PCDHA12: variants seen among roughly 807,000 people sequenced by gnomAD.
PCDHA12 encodes protocadherin alpha 12, also known as protocadherin alpha-12.
A neutral mutation model predicts 60.0 loss-of-function variants in PCDHA12; 44 were observed. The observed-to-expected ratio is 0.73, with a 90% CI of 0.58 to 0.94. The LOEUF (loss-of-function observed/expected upper bound fraction) is 0.94, where lower values mean the gene tolerates loss of function less well. Among genes scored for constraint, PCDHA12 ranks in the 40% least tolerant of loss-of-function variants. The pLI is 0.00. For synonymous variants in PCDHA12, 569 were observed against 553.0 expected (o/e 1.03, Z -0.40); for missense variants, 1,276 against 1,239.7 (o/e 1.03, Z -0.44).
chr5:140,883,093 A>T (rs1035461317), intron 1 of PCDHA12: 1 of 1,614,146 alleles, frequency 6.2e-7, no homozygotes, highest in Non-Finnish European at 8.5e-7. Flanking sequence ...GTACAAATGG[A>T]GATATAGTTT....
intron 1 of PCDHA12, chr5:140,926,758 G>C: frequency 2.3e-6 from 3 of 1,302,056 alleles, no homozygotes; most frequent in Non-Finnish European, 3.0e-6. Flanking sequence ...CGGTCGCTGA[G>C]TATCCAGCCC....
Position 140,972,800 on chromosome 5 carries a change from A to G in PCDHA12, c.2368-6149A>G, listed in dbSNP as rs937312575. ...TGCCTCAGCCTCCTGAGTAGCTGAGATTACAGGCACGCGCCACCACGCCTG... is the reference window on the plus strand; with the variant it reads ...TGCCTCAGCCTCCTGAGTAGCTGAGGTTACAGGCACGCGCCACCACGCCTG... On this transcript the variant is annotated intron_variant, in intron 1 of 3. Transcript: ENST00000398631. Among the ~76,000 whole-genome samples, 8 of 151,520 alleles carry G rather than the reference A, an allele frequency of 5.3e-5. No individual in the cohort carries two copies. In the South Asian group the frequency reaches 6.3e-4, roughly 12 times the overall value.
intron 1 of PCDHA12, among the ~76,000 whole-genome samples, chr5:140,932,340 C>G (rs1339952181): frequency 6.6e-6 from 1 of 151,864 alleles, no homozygotes; most frequent in Non-Finnish European, 1.5e-5. Flanking sequence ...GCATGAAACA[C>G]TTACCATACA....
chr5:140,967,858 G>C lies in PCDHA12; in HGVS notation c.2368-11091G>C, dbSNP rs2096190865. ...TGGACGTGAATGACAATGCCCCAGA[G>C]GTGGTGCTCACGGACCTGTATAGCC... On this transcript the variant is annotated intron_variant, in intron 1 of 3. Coordinates refer to ENST00000398631, the MANE Select transcript of PCDHA12 (RefSeq NM_018903.4). 6 of 1,614,166 alleles carry C rather than the reference G, an allele frequency of 3.7e-6. No homozygotes were observed. The East Asian group carries it at 1.3e-4, about 36-fold the overall frequency.
At chr5:141,000,899 C>T (rs1013993633) in intron 3 of PCDHA12, among the ~76,000 whole-genome samples, 18 of 151,966 alleles carry the variant, frequency 1.2e-4, no homozygotes, top group African/African-American at 2.7e-4. Flanking sequence ...CAGATATAGA[C>T]GCTGTCTCTA....
chr5:140,948,912 C>A (rs1038670333), intron 1 of PCDHA12, among the ~76,000 whole-genome samples: 1 of 150,924 alleles, frequency 6.6e-6, no homozygotes, highest in Non-Finnish European at 1.5e-5. Context: ...TCTTAGGTAA[C>A]TGATTAGGTA....
chr5:140,989,805 A>G (rs3776110), intron 3 of PCDHA12, among the ~76,000 whole-genome samples: 8,341 of 152,306 alleles, frequency 0.055, 292 homozygotes, highest in East Asian at 0.12. Context: ...GGAAAGGGCC[A>G]TAAGATTGGT....
At position 140,997,702 on chromosome 5, in the gene PCDHA12, T is replaced by A. The variant is rs548432387; in HGVS notation, c.2516-11925T>A. Reference sequence around the variant, plus strand: ...TGTGTGTGTGTGTGTGTGTGTATGTTAACAAACACCTTTCTACGTCAGTAC... The same window carrying A: ...TGTGTGTGTGTGTGTGTGTGTATGTAAACAAACACCTTTCTACGTCAGTAC... On this transcript the variant is annotated intron_variant, in intron 3 of 3. Coordinates refer to ENST00000398631, the MANE Select transcript of PCDHA12 (RefSeq NM_018903.4). 1.4e-3 allele frequency among the ~76,000 whole-genome samples: 209 copies of A among 150,856 alleles called. 1 individual carries two copies. The highest frequency in any genetic ancestry group is 4.8e-3 in the African/African-American group (199 of 41,058).
At chr5:140,989,723 G>A (rs2097356372) in intron 3 of PCDHA12, among the ~76,000 whole-genome samples, 1 of 152,180 alleles carries the variant, frequency 6.6e-6, no homozygotes, top group African/African-American at 2.4e-5. Flanking sequence ...CAGCTTTGCA[G>A]TTGAAAAGGC....
At chr5:140,883,615 C>A in intron 1 of PCDHA12, 2 of 1,613,938 alleles carry the variant, frequency 1.2e-6, no homozygotes, top group East Asian at 2.2e-5. Flanking sequence ...CCGACGTGAA[C>A]GACAACGCGC....
At chr5:140,896,894 T>A (rs1317627647) in intron 1 of PCDHA12, among the ~76,000 whole-genome samples, 6 of 152,208 alleles carry the variant, frequency 3.9e-5, no homozygotes, top group Admixed American at 2.0e-4. Context: ...TGAGACATTT[T>A]GATACAAGCA....
chr5:140,877,726 C>T lies in PCDHA12; in HGVS notation c.2254C>T (p.Gln752Ter), dbSNP rs781814794. The T allele has an allele frequency of 6.2e-7, 1 of 1,614,174 alleles. No homozygotes were observed. Among genetic ancestry groups the T allele is most frequent in the African/African-American group, 1.3e-5 (1 of 75,064 alleles). Residue 752 changes from glutamine (Q) to a stop codon, truncating the protein, a stop_gained, in exon 1 of 4, where the codon CAG becomes TAG. Transcript: ENST00000398631. LOFTEE classifies it high-confidence loss of function. The stretch of plus-strand genomic sequence containing the variant: ...CGCCGTGGGGAGTTGGTCTTACTCG[C>T]AGCAGAGGAGGCAGAGGGTGTGCTC... ...SSAVGSWSYS[Q>*]QRRQRVCSAE...
chr5:140,932,687 T>A (rs1285364025), intron 1 of PCDHA12, among the ~76,000 whole-genome samples: 2 of 151,810 alleles, frequency 1.3e-5, no homozygotes, highest in Non-Finnish European at 2.9e-5. Context: ...TATATTCAAA[T>A]TAAAAAACTC....
At chr5:140,947,275 T>G (rs246050) in intron 1 of PCDHA12, among the ~76,000 whole-genome samples, 85,352 of 151,290 alleles carry the variant, frequency 0.56, 24,679 homozygotes, top group African/African-American at 0.69. Context: ...GAAAATACTT[T>G]TTCTTTTTAT....
At chr5:140,904,560 T>G (rs2071228381) in intron 1 of PCDHA12, among the ~76,000 whole-genome samples, 1 of 152,102 alleles carries the variant, frequency 6.6e-6, no homozygotes, top group African/African-American at 2.4e-5. Flanking sequence ...AATGACTTTT[T>G]TTTCCTCTGG....
chr5:141,003,291 G>C (rs1402781511), intron 3 of PCDHA12, among the ~76,000 whole-genome samples: 1 of 152,158 alleles, frequency 6.6e-6, no homozygotes, highest in Non-Finnish European at 1.5e-5. Flanking sequence ...TGGATTATAG[G>C]ATTACATGAA....
At chr5:140,927,318 C>T (rs149532133) in intron 1 of PCDHA12, 18,448 of 1,614,194 alleles carry the variant, frequency 0.011, 218 homozygotes, top group South Asian at 0.039. Flanking sequence ...CCGGAGCCCG[C>T]TTTACTCTCC....
chr5:140,934,490 C>T (rs189772593), intron 1 of PCDHA12, among the ~76,000 whole-genome samples: 35 of 152,244 alleles, frequency 2.3e-4, no homozygotes, highest in Admixed American at 1.4e-3. Context: ...ATATTCACCT[C>T]ATAAACACCC....
chr5:140,985,139 G>A (rs782548607), intron 3 of PCDHA12, among the ~76,000 whole-genome samples: 6 of 152,126 alleles, frequency 3.9e-5, no homozygotes, highest in South Asian at 2.1e-4. Flanking sequence ...GGGTTTCACC[G>A]TGTTAGCCAG....
Sources: allele counts gnomAD v4.1 joint callset (sites outside exome capture counted in the v4.1 genomes callset), GRCh38; gene constraint gnomAD v4.1.1; transcripts MANE v1.5; gene names NCBI Gene and HGNC (gene_info 2026-07-23, HGNC 2026-07-21).